AFDN: variants seen among roughly 807,000 people sequenced by gnomAD.
AFDN encodes afadin, adherens junction formation factor, also known as afadin.
A neutral mutation model predicts 216.6 loss-of-function variants in AFDN; 68 were observed. That is an observed-to-expected ratio of 0.31 (90% CI 0.26 to 0.38). The LOEUF (loss-of-function observed/expected upper bound fraction) is 0.38. AFDN is among the 10% of genes least tolerant of loss of function. The probability of loss-of-function intolerance (pLI) is 1.00; values close to 1 mark genes in which losing one functional copy is unlikely to be tolerated. For missense variants in AFDN, 2,136 were observed against 2,342.0 expected (o/e 0.91, Z 1.82); for synonymous variants, 868 against 853.7 (o/e 1.02, Z -0.29).
chr6:167,864,408 A>T (rs143545321), intron 1 of AFDN, 143 bp from the exon 2 acceptor site: 299 of 838,558 alleles, frequency 3.6e-4, no homozygotes, highest in Non-Finnish European at 5.8e-4. Context: ...AAGACTAAAA[A>T]CCCATCTCTC....
rs116488929 is a variant in AFDN, at chr6:167,913,043, T to C, written c.2038-360T>C. Among the ~76,000 whole-genome samples the C allele has an allele frequency of 7.0e-3, 1,065 of 152,296 alleles. 16 individuals are homozygous for C. Among genetic ancestry groups the C allele is most frequent in the African/African-American group, 0.024 (1,013 of 41,554 alleles). Reference sequence around the variant, plus strand: ...CCTTATTAGGTACCTTTTAAGTAAGTAGTAAGCACACCATATCACTGAAAG... The same window carrying C: ...CCTTATTAGGTACCTTTTAAGTAAGCAGTAAGCACACCATATCACTGAAAG... On this transcript the variant is annotated intron_variant, in intron 15 of 33. Coordinates refer to ENST00000683244, the MANE Select transcript of AFDN (RefSeq NM_001386888.1).
At chr6:167,929,456 A>C (rs1052851135) in intron 23 of AFDN, among the ~76,000 whole-genome samples, 2 of 152,154 alleles carry the variant, frequency 1.3e-5, no homozygotes, top group Non-Finnish European at 2.9e-5. Flanking sequence ...TCTGATGTGC[A>C]TGTCTACACT....
intron 12 of AFDN, among the ~76,000 whole-genome samples, chr6:167,906,027 T>C (rs377546645): frequency 6.6e-6 from 1 of 152,024 alleles, no homozygotes; most frequent in Non-Finnish European, 1.5e-5. Context: ...GGCGTGAACC[T>C]GGGAGGCGGA....
intron 12 of AFDN, among the ~76,000 whole-genome samples, chr6:167,903,087 TCAGA>T (rs1240327799): frequency 1.3e-5 from 2 of 152,242 alleles, no homozygotes; most frequent in African/African-American, 4.8e-5. Flanking sequence ...AGTTAACTTC[TCAGA>T]CACTTTGCTT....
intron 15 of AFDN, among the ~76,000 whole-genome samples, chr6:167,912,473 C>G (rs1028966346): frequency 6.6e-6 from 1 of 152,072 alleles, no homozygotes; most frequent in Non-Finnish European, 1.5e-5. Context: ...AGAAATGTTT[C>G]TTTTATATTT....
At chr6:167,906,557 A>G (rs192830633) in intron 12 of AFDN, among the ~76,000 whole-genome samples, 1 of 152,316 alleles carries the variant, frequency 6.6e-6, no homozygotes, top group African/African-American at 2.4e-5. Context: ...TGATTTTCTT[A>G]ATGTAGGTAA....
At chr6:167,848,704 A>G (rs113805682) in intron 1 of AFDN, among the ~76,000 whole-genome samples, 1,589 of 152,266 alleles carry the variant, frequency 0.01, 16 homozygotes, top group Non-Finnish European at 0.016. Flanking sequence ...ACCCTCCTCA[A>G]TATATTCAGA....
chr6:167,889,082 A>G, intron 6 of AFDN, 133 bp from the exon 7 acceptor site: 1 of 574,822 alleles, frequency 1.7e-6, no homozygotes, highest in Non-Finnish European at 3.0e-6. Context: ...TTTGATGATG[A>G]GTGAGAATTG....
At chr6:167,895,245 A>G (rs912672991) in intron 9 of AFDN, among the ~76,000 whole-genome samples, 10 of 152,090 alleles carry the variant, frequency 6.6e-5, no homozygotes, top group Non-Finnish European at 4.4e-5. Flanking sequence ...CTGGGAGTAG[A>G]TAAGGGGGAC....
Position 167,969,994 on chromosome 6 carries a change from A to G in AFDN, c.*59A>G. 2 of 1,434,266 alleles carry G rather than the reference A, an allele frequency of 1.4e-6. No individual in the cohort carries two copies. Among genetic ancestry groups the G allele is most frequent in the South Asian group, 2.7e-5 (2 of 74,386 alleles). 88.8% of individuals were successfully genotyped at this position (1,434,266 alleles called of 1,614,324 possible). A position where few individuals can be genotyped will look rare whatever the true frequency, so the allele number is the denominator to read the frequency against. On this transcript the variant is annotated 3_prime_UTR_variant, in exon 34 of 34. Transcript: ENST00000683244. ...AAAATCTTTTCAGTTGTGGGTTTGT[A>G]GGTGCGAGTTTGAAGAGGAAAAGAG... is the stretch of plus-strand genomic sequence containing the variant.
chr6:167,851,168 A>G (rs1269632289), intron 1 of AFDN, among the ~76,000 whole-genome samples: 1 of 152,192 alleles, frequency 6.6e-6, no homozygotes, highest in Non-Finnish European at 1.5e-5. Flanking sequence ...CGTCATATAT[A>G]CAGATCTTTA....
At chr6:167,875,269 G>A in intron 4 of AFDN, 66 bp from the exon 5 acceptor site, 3 of 1,489,332 alleles carry the variant, frequency 2.0e-6, no homozygotes, top group Middle Eastern at 1.9e-4. Context: ...TTGTGCGGTT[G>A]CAATGTGTCT....
intron 1 of AFDN, among the ~76,000 whole-genome samples, chr6:167,840,224 A>C (rs1780910975): frequency 6.6e-6 from 1 of 152,212 alleles, no homozygotes; most frequent in South Asian, 2.1e-4. Context: ...GTAAGGCTTG[A>C]GACCTTATTT....
At chr6:167,826,678 A>G (rs1779080300), upstream of AFDN, 2 of 460,670 alleles carry the variant, frequency 4.3e-6, no homozygotes, top group Non-Finnish European at 8.7e-6. Flanking sequence ...TCGGGAAGGA[A>G]CCCGGTACCG....
intron 6 of AFDN, 82 bp downstream of exon 6, chr6:167,880,599 T>C: frequency 7.4e-7 from 1 of 1,353,578 alleles, no homozygotes; most frequent in Non-Finnish European, 1.0e-6. Flanking sequence ...TAAACCTAGA[T>C]TTTCAGCCTA....
chr6:167,943,528 T>A (rs1448312503), intron 25 of AFDN, 53 bp downstream of exon 25: 3 of 1,411,050 alleles, frequency 2.1e-6, no homozygotes, highest in Non-Finnish European at 3.0e-6. Context: ...TAGGTGATTT[T>A]TGCATTAAAT....
chr6:167,917,059 AT>A, intron 19 of AFDN, 29 bp from the exon 20 acceptor site: 1 of 1,595,718 alleles, frequency 6.3e-7, no homozygotes, highest in Non-Finnish European at 8.6e-7. Flanking sequence ...TACAAGTGTG[AT>A]ATTTTATGTC....
chr6:167,871,325 CAT>C (rs1481850593), intron 3 of AFDN, among the ~76,000 whole-genome samples: 1 of 152,132 alleles, frequency 6.6e-6, no homozygotes, highest in African/African-American at 2.4e-5. Flanking sequence ...TTTTGCTATA[CAT>C]GTTTTATTTC....
intron 20 of AFDN, 82 bp downstream of exon 20, chr6:167,917,314 C>T (rs9364207): frequency 0.45 from 586,485 of 1,290,824 alleles, 137,152 homozygotes; most frequent in East Asian, 0.8. Context: ...AAAGGAAATC[C>T]TATTTAATAC....
Sources: gnomAD v4.1 joint callset for allele counts (sites outside exome capture counted in the v4.1 genomes callset) on GRCh38, gnomAD v4.1.1 for gene constraint, MANE v1.5 for transcripts, NCBI Gene and HGNC (gene_info 2026-07-23, HGNC 2026-07-21) for gene names.